The following LPP variants were observed in gnomAD, a reference collection of about 807,000 sequenced individuals.
The protein encoded by LPP is lipoma-preferred partner.
LPP carries 38 observed loss-of-function variants against 60.4 expected under a neutral mutation model. The observed-to-expected ratio is 0.63, with a 90% CI of 0.49 to 0.83. The LOEUF is 0.83. LPP is among the 40% of genes least tolerant of loss of function. The pLI is 0.00. For synonymous variants in LPP, 328 were observed against 290.8 expected (o/e 1.13, Z -1.30); for missense variants, 902 against 783.6 (o/e 1.15, Z -1.80).
chr3:188,845,784 A>C (rs188232150), intron 9 of LPP, among the ~76,000 whole-genome samples: 63 of 152,344 alleles, frequency 4.1e-4, no homozygotes, highest in African/African-American at 1.4e-3. Flanking sequence ...GTGGATTCAC[A>C]AACAAGCTGA....
chr3:188,452,733 A>T (rs1796885011), intron 4 of LPP, among the ~76,000 whole-genome samples: 1 of 152,170 alleles, frequency 6.6e-6, no homozygotes, highest in Non-Finnish European at 1.5e-5. Flanking sequence ...TGAGGCATGA[A>T]GTGGCCATCT....
At chr3:188,679,519 C>CTGTGTGTG (rs56733573) in intron 7 of LPP, among the ~76,000 whole-genome samples, 103 of 143,204 alleles carry the variant, frequency 7.2e-4, no homozygotes, top group African/African-American at 2.7e-3. Context: ...TTTGAATACT[C>CTGTGTGTG]TGTGTGTGTG....
chr3:188,754,381 C>G (rs569731176), intron 8 of LPP, among the ~76,000 whole-genome samples: 1 of 152,268 alleles, frequency 6.6e-6, no homozygotes, highest in African/African-American at 2.4e-5. Context: ...TGGTGAAAAA[C>G]AACATGTATT....
In LPP at chr3:188,615,013, C is replaced by G. The variant is rs890511662; in HGVS notation, c.1113+5169C>G. On this transcript the variant is annotated intron_variant, in intron 7 of 11. Transcript: ENST00000617246. ...GGAGTTCAGTCATCCCCATTTCTCA[C>G]TTGAACCATTGAAATGGCCTCTTAC... Among the ~76,000 whole-genome samples, 2 of 152,226 alleles carry G rather than the reference C, an allele frequency of 1.3e-5. 1 individual carries two copies. The highest frequency in any genetic ancestry group is 4.8e-5 in the African/African-American group (2 of 41,452).
chr3:188,752,326 A>G (rs1170540779), intron 8 of LPP, among the ~76,000 whole-genome samples: 2 of 152,194 alleles, frequency 1.3e-5, no homozygotes, highest in African/African-American at 4.8e-5. Context: ...GAGTGCGTCT[A>G]CTCAGCTGCT....
intron 1 of LPP, among the ~76,000 whole-genome samples, chr3:188,204,251 G>C (rs560229841): frequency 6.6e-6 from 1 of 152,228 alleles, no homozygotes; most frequent in African/African-American, 2.4e-5. Context: ...AATATAAAGG[G>C]AGACGTGGCT....
At chr3:188,451,804 G>A (rs933591177) in intron 4 of LPP, among the ~76,000 whole-genome samples, 4 of 152,194 alleles carry the variant, frequency 2.6e-5, no homozygotes, top group Non-Finnish European at 4.4e-5. Flanking sequence ...AATGTGTGCA[G>A]AGATCCACAG....
At position 188,706,845 on chromosome 3, in the gene LPP, A is replaced by G. The variant is rs530909876; in HGVS notation, c.1114-1422A>G. 3.9e-5 allele frequency among the ~76,000 whole-genome samples: 6 copies of G among 152,322 alleles called. No homozygotes were observed. In the South Asian group the frequency reaches 6.2e-4, roughly 16 times the overall value. ...ATCAAGGCAAGAGCATTCCCAACCC[A>G]CATCTCTGCCCATTACTCATGGCAG... On this transcript the variant is annotated intron_variant, in intron 7 of 11. Transcript: ENST00000617246.
chr3:188,704,753 C>T (rs938045823), intron 7 of LPP, among the ~76,000 whole-genome samples: 1 of 134,680 alleles, frequency 7.4e-6, no homozygotes, highest in African/African-American at 2.8e-5. Context: ...CTGCAGATAC[C>T]TGTTTTGTTG....
At chr3:188,754,362 T>C (rs556275720) in intron 8 of LPP, among the ~76,000 whole-genome samples, 1 of 152,326 alleles carries the variant, frequency 6.6e-6, no homozygotes, top group South Asian at 2.1e-4. Flanking sequence ...TTAGGGAGAA[T>C]ACTCTCTCTG....
intron 7 of LPP, among the ~76,000 whole-genome samples, chr3:188,678,935 G>A (rs749228262): frequency 1.2e-4 from 18 of 152,338 alleles, no homozygotes; most frequent in Middle Eastern, 3.4e-3. Context: ...AAGAATGGCA[G>A]TTAATAATCT....
In LPP at chr3:188,594,659, A is replaced by G. The variant is rs139204357; in HGVS notation, c.430-14502A>G. Among the ~76,000 whole-genome samples, 4 of 152,288 alleles carry G rather than the reference A, an allele frequency of 2.6e-5. No individual in the cohort carries two copies. In the East Asian group the frequency reaches 7.7e-4, roughly 29 times the overall value. On this transcript the variant is annotated intron_variant, in intron 6 of 11. Transcript: ENST00000617246. ...CTGAAGTCTAAATTTTGAGCCAACT[A>G]AACATCATATTTCTTTGGTTTTGGG...
intron 9 of LPP, among the ~76,000 whole-genome samples, chr3:188,831,507 C>G (rs1183975062): frequency 6.6e-6 from 1 of 152,238 alleles, no homozygotes; most frequent in Non-Finnish European, 1.5e-5. Flanking sequence ...GGTGCTTCCC[C>G]CTCTGTAGCA....
intron 3 of LPP, among the ~76,000 whole-genome samples, chr3:188,403,018 G>T (rs1438860330): frequency 6.6e-6 from 1 of 152,210 alleles, no homozygotes; most frequent in African/African-American, 2.4e-5. Context: ...ATAAATCCTG[G>T]GAATGGGGTC....
At chr3:188,197,660 G>T (rs571775857) in intron 1 of LPP, among the ~76,000 whole-genome samples, 1 of 152,238 alleles carries the variant, frequency 6.6e-6, no homozygotes, top group Admixed American at 6.5e-5. Context: ...GTCAGGTGAG[G>T]TCATGCTATG....
chr3:188,575,746 A>C (rs2150908910), intron 6 of LPP, among the ~76,000 whole-genome samples: 1 of 152,162 alleles, frequency 6.6e-6, no homozygotes, highest in African/African-American at 2.4e-5. Context: ...GCTTTTTTTA[A>C]ATTAAATTAG....
chr3:188,428,599 T>A (rs5008086), intron 4 of LPP, among the ~76,000 whole-genome samples: 40,942 of 146,450 alleles, frequency 0.28, 6,018 homozygotes, highest in African/African-American at 0.34. Flanking sequence ...TATATATATT[T>A]TTTTTTTTTA....
chr3:188,860,746 A>T (rs1267203198), intron 9 of LPP, among the ~76,000 whole-genome samples: 1 of 152,208 alleles, frequency 6.6e-6, no homozygotes, highest in Non-Finnish European at 1.5e-5. Context: ...ACTGTTGTAG[A>T]TGCTTGGGAT....
chr3:188,393,914 C>A (rs747320046), intron 3 of LPP, among the ~76,000 whole-genome samples: 1 of 152,078 alleles, frequency 6.6e-6, no homozygotes. Context: ...GATACTAGGG[C>A]AATAATGCAT....
Sources: gnomAD v4.1 joint callset for allele counts (sites outside exome capture counted in the v4.1 genomes callset) on GRCh38, gnomAD v4.1.1 for gene constraint, MANE v1.5 for transcripts, NCBI Gene and HGNC (gene_info 2026-07-23, HGNC 2026-07-21) for gene names.